The following ZFHX3 variants were observed in gnomAD, a reference collection of about 807,000 sequenced individuals.
ZFHX3 encodes the protein zinc finger homeobox 3.
A neutral mutation model predicts 279.1 loss-of-function variants in ZFHX3; 42 were observed. The observed-to-expected ratio is 0.15, with a 90% CI of 0.12 to 0.19. The LOEUF (loss-of-function observed/expected upper bound fraction) is 0.19. Among genes scored for constraint, ZFHX3 ranks in the 10% least tolerant of loss-of-function variants. ZFHX3 has a pLI of 1.00. For missense variants in ZFHX3, 4,981 were observed against 4,754.0 expected, an observed-to-expected ratio of 1.05 and a Z score of -1.40; for synonymous variants, 2,293 against 1,957.8, an observed-to-expected ratio of 1.17 and a Z score of -4.52.
At chr16:73,719,978 C>T (rs970957010) in intron 1 of ZFHX3, among the ~76,000 whole-genome samples, 1 of 152,168 alleles carries the variant, frequency 6.6e-6, no homozygotes, top group Non-Finnish European at 1.5e-5. Flanking sequence ...GTACTTGTTA[C>T]CTACAAGCCA....
chr16:73,689,674 T>C (rs1293732298), intron 1 of ZFHX3, among the ~76,000 whole-genome samples: 1 of 152,216 alleles, frequency 6.6e-6, no homozygotes, highest in Non-Finnish European at 1.5e-5. Flanking sequence ...GGCAGTTCTA[T>C]GTTACAAGTC....
chr16:73,094,395 C>T (rs1183964), intron 7 of ZFHX3: 91,401 of 152,072 alleles, frequency 0.6, 28,238 homozygotes, highest in Middle Eastern at 0.75. Flanking sequence ...AATGCAATAA[C>T]TGCATAGTTG....
chr16:73,797,324 T>A (rs925989377), intron 1 of ZFHX3, among the ~76,000 whole-genome samples: 3 of 152,124 alleles, frequency 2.0e-5, no homozygotes, highest in African/African-American at 7.2e-5. Context: ...TACTCTGAGT[T>A]TTAAAGAATC....
intron 3 of ZFHX3, among the ~76,000 whole-genome samples, chr16:72,940,071 G>T (rs1374225359): frequency 6.6e-6 from 1 of 151,546 alleles, no homozygotes; most frequent in African/African-American, 2.4e-5. Flanking sequence ...CGCCACACCT[G>T]GCTAATTTTT....
At chr16:72,864,888 G>A (rs1165403972) in intron 4 of ZFHX3, among the ~76,000 whole-genome samples, 3 of 152,232 alleles carry the variant, frequency 2.0e-5, no homozygotes, top group African/African-American at 4.8e-5. Context: ...TTTATGAGCC[G>A]TGATGATGCC....
At chr16:73,165,493 G>A (rs1482109765) in intron 5 of ZFHX3, among the ~76,000 whole-genome samples, 2 of 152,144 alleles carry the variant, frequency 1.3e-5, no homozygotes, top group African/African-American at 2.4e-5. Context: ...GAGTTGTTGC[G>A]GAGGAATCAG....
chr16:73,106,953 T>G (rs1381804198), intron 7 of ZFHX3, among the ~76,000 whole-genome samples: 8 of 152,160 alleles, frequency 5.3e-5, no homozygotes, highest in African/African-American at 1.9e-4. Flanking sequence ...TAACAGTCCA[T>G]CTAACCGGTT....
intron 5 of ZFHX3, among the ~76,000 whole-genome samples, chr16:73,243,958 TC>T (rs1407589515): frequency 6.6e-6 from 1 of 152,198 alleles, no homozygotes; most frequent in Non-Finnish European, 1.5e-5. Context: ...AGAGAACGCC[TC>T]AAGTGCTTGG....
At chr16:73,670,739 CA>C (rs2052896571) in intron 2 of ZFHX3, among the ~76,000 whole-genome samples, 1 of 152,182 alleles carries the variant, frequency 6.6e-6, no homozygotes, top group East Asian at 1.9e-4. Flanking sequence ...TATACTGTGA[CA>C]TTTGCAAATG....
intron 8 of ZFHX3, among the ~76,000 whole-genome samples, chr16:73,089,451 C>T (rs932566243): frequency 6.6e-5 from 10 of 152,200 alleles, no homozygotes; most frequent in Non-Finnish European, 1.3e-4. Flanking sequence ...ACTCCATGAA[C>T]ATATTTTTAC....
At chr16:73,772,204 CT>C (rs1305152363) in intron 1 of ZFHX3, among the ~76,000 whole-genome samples, 1 of 152,142 alleles carries the variant, frequency 6.6e-6, no homozygotes, top group Non-Finnish European at 1.5e-5. Context: ...TTTCACACTG[CT>C]GATACAGACA....
chr16:73,390,906 A>G (rs2016998679), intron 3 of ZFHX3, among the ~76,000 whole-genome samples: 1 of 152,160 alleles, frequency 6.6e-6, no homozygotes, highest in Non-Finnish European at 1.5e-5. Flanking sequence ...ATTCCGTGGT[A>G]ATGAGCTCCA....
chr16:73,127,006 G>A (rs999191807), intron 7 of ZFHX3: 1 of 162,440 alleles, frequency 6.2e-6, no homozygotes, highest in Non-Finnish European at 1.3e-5. Context: ...GAGGAAGAAA[G>A]GTCTCCTAGG....
At chr16:73,375,930 T>C (rs1346013016) in intron 3 of ZFHX3, among the ~76,000 whole-genome samples, 2 of 152,210 alleles carry the variant, frequency 1.3e-5, no homozygotes, top group African/African-American at 2.4e-5. Flanking sequence ...CACCGTTGGG[T>C]TCATTTATTT....
chr16:73,353,469 G>A (rs948159553), intron 3 of ZFHX3, among the ~76,000 whole-genome samples: 1 of 152,180 alleles, frequency 6.6e-6, no homozygotes, highest in African/African-American at 2.4e-5. Flanking sequence ...CAATAAGATT[G>A]ATAATGTGCT....
intron 7 of ZFHX3, chr16:72,809,803 T>C (rs1397779038): frequency 6.6e-6 from 1 of 151,872 alleles, no homozygotes; most frequent in Non-Finnish European, 1.5e-5. Context: ...AACTTATTAC[T>C]CCACTGCTAA....
At chr16:72,898,761 AAAAGT>A (rs1447918314) in intron 3 of ZFHX3, among the ~76,000 whole-genome samples, 5 of 151,860 alleles carry the variant, frequency 3.3e-5, no homozygotes, top group Admixed American at 2.6e-4. Context: ...AAAAAAAAAA[AAAAGT>A]GTGTGTAGGT....
chr16:73,321,247 A>C (rs1438083181), intron 3 of ZFHX3, among the ~76,000 whole-genome samples: 1 of 152,152 alleles, frequency 6.6e-6, no homozygotes, highest in African/African-American at 2.4e-5. Flanking sequence ...TCAGGAGTCC[A>C]TGTAAGCAGT....
Position 72,797,187 on chromosome 16 carries a change from A to G in ZFHX3, c.5495T>C (p.Leu1832Pro). The change falls in exon 9 of 10, where the codon CTG becomes CCG. Residue 1832 changes from leucine to proline, a missense_variant. Leu to Pro is a moderately conservative substitution (Grantham distance 98). Transcript: ENST00000268489. ...CTGAACCTGAGCCTTCAGATCTTCCAGCAGGCCTGGGCCTGTCCCAGTCAG... is the reference window on the plus strand; with the variant it reads ...CTGAACCTGAGCCTTCAGATCTTCCGGCAGGCCTGGGCCTGTCCCAGTCAG... ...LTLTGTGPGL[L>P]EDLKAQVQVP... is the part of the protein sequence containing the mutation. The G allele has an allele frequency of 6.2e-7, 1 of 1,614,092 alleles. No homozygotes were observed. Among genetic ancestry groups the G allele is most frequent in the East Asian group, 2.2e-5 (1 of 44,866 alleles).
Sources: allele counts gnomAD v4.1 joint callset (sites outside exome capture counted in the v4.1 genomes callset), GRCh38; gene constraint gnomAD v4.1.1; transcripts MANE v1.5; gene names NCBI Gene and HGNC (gene_info 2026-07-23, HGNC 2026-07-21).